The following NAV2 variants were observed in gnomAD, a reference collection of about 807,000 sequenced individuals.
The protein encoded by NAV2 is neuron navigator 2, also known as helicase, APC down-regulated 1.
A neutral mutation model predicts 223.2 loss-of-function variants in NAV2; 54 were observed. The ratio of observed to expected loss-of-function variants is 0.24; its 90% confidence interval spans 0.19 to 0.30. NAV2 has a LOEUF of 0.30. Among genes scored for constraint, NAV2 ranks in the 10% least tolerant of loss-of-function variants. The probability of loss-of-function intolerance (pLI) is 1.00; values close to 1 mark genes in which losing one functional copy is unlikely to be tolerated. For synonymous variants in NAV2, 1,279 were observed against 1,239.3 expected (o/e 1.03, Z -0.67); for missense variants, 2,806 against 3,147.5 (o/e 0.89, Z 2.60).
intron 1 of NAV2, among the ~76,000 whole-genome samples, chr11:19,423,871 G>A (rs1167206527): frequency 6.6e-6 from 1 of 152,118 alleles, no homozygotes; most frequent in Non-Finnish European, 1.5e-5. Context: ...ATCTGTGATT[G>A]AGAAATAACT....
rs181181353 is a variant in NAV2, at chr11:19,891,140, A to G, written c.771-1294A>G. 1.1e-4 allele frequency among the ~76,000 whole-genome samples: 17 copies of G among 152,304 alleles called. No individual in the cohort carries two copies. The East Asian group carries it at 2.9e-3, about 26-fold the overall frequency. ...AAGTTTAAAGTGATTGCCTGCTTAT[A>G]TCTAAAATGCTTCCAGACTGTAGAC... On this transcript the variant is annotated intron_variant, in intron 5 of 37. Coordinates refer to ENST00000349880, the MANE Select transcript of NAV2 (RefSeq NM_145117.5).
intron 5 of NAV2, among the ~76,000 whole-genome samples, chr11:19,882,102 G>A (rs539995298): frequency 6.6e-6 from 1 of 152,224 alleles, no homozygotes; most frequent in African/African-American, 2.4e-5. Flanking sequence ...AAGTCTTAAA[G>A]TAGTAGAAAG....
At chr11:19,850,991 A>G (rs915257606) in intron 3 of NAV2, among the ~76,000 whole-genome samples, 6 of 152,212 alleles carry the variant, frequency 3.9e-5, no homozygotes, top group African/African-American at 1.4e-4. Flanking sequence ...TTCCCCTCAC[A>G]CAGTAGCACC....
At chr11:19,546,588 C>A (rs1264818283) in intron 1 of NAV2, among the ~76,000 whole-genome samples, 1 of 152,194 alleles carries the variant, frequency 6.6e-6, no homozygotes, top group Non-Finnish European at 1.5e-5. Context: ...ACGGCAACCA[C>A]CCTCTGATGT....
chr11:19,788,060 T>G (rs532154206), intron 1 of NAV2, among the ~76,000 whole-genome samples: 22 of 152,296 alleles, frequency 1.4e-4, no homozygotes, highest in African/African-American at 5.1e-4. Context: ...ATGTCCCAGA[T>G]GTAGAGCTAA....
intron 1 of NAV2, among the ~76,000 whole-genome samples, chr11:19,580,793 G>C (rs1261904878): frequency 6.6e-6 from 1 of 152,144 alleles, no homozygotes; most frequent in Non-Finnish European, 1.5e-5. Flanking sequence ...TTTCTCTTGG[G>C]AACACACTTA....
intron 6 of NAV2, among the ~76,000 whole-genome samples, chr11:19,911,030 C>A (rs1017331810): frequency 1.3e-4 from 19 of 140,792 alleles, no homozygotes; most frequent in Non-Finnish European, 2.5e-4. Flanking sequence ...TTTGCAAGCA[C>A]ATTTTTTTTT....
chr11:19,986,342 G>A (rs537314733), intron 11 of NAV2, among the ~76,000 whole-genome samples: 347 of 152,290 alleles, frequency 2.3e-3, no homozygotes, highest in African/African-American at 7.1e-3. Flanking sequence ...GAATGAGTCC[G>A]GGCATGGTGG....
intron 1 of NAV2, among the ~76,000 whole-genome samples, chr11:19,643,275 T>C (rs1299354491): frequency 6.6e-6 from 1 of 151,964 alleles, no homozygotes; most frequent in Non-Finnish European, 1.5e-5. Context: ...TTACTCGTCA[T>C]TTAACATTAG....
At chr11:20,099,958 G>A (rs1411227841) in intron 31 of NAV2, among the ~76,000 whole-genome samples, 1 of 152,108 alleles carries the variant, frequency 6.6e-6, no homozygotes, top group Non-Finnish European at 1.5e-5. Flanking sequence ...TAGCAGATAA[G>A]ACATCTGGGG....
At chr11:19,861,625 G>A (rs2061796913) in intron 3 of NAV2, among the ~76,000 whole-genome samples, 1 of 152,212 alleles carries the variant, frequency 6.6e-6, no homozygotes, top group South Asian at 2.1e-4. Context: ...GTAAATGCCA[G>A]AAACAAGATT....
chr11:19,660,712 A>G (rs1268364827), intron 1 of NAV2, among the ~76,000 whole-genome samples: 2 of 152,306 alleles, frequency 1.3e-5, no homozygotes, highest in East Asian at 1.9e-4. Context: ...TGCTTTCACA[A>G]TATAAAATTA....
chr11:19,815,322 C>T (rs907907669), intron 1 of NAV2, among the ~76,000 whole-genome samples: 1 of 152,110 alleles, frequency 6.6e-6, no homozygotes, highest in Admixed American at 6.5e-5. Context: ...GTAGCACTAC[C>T]CAGGCCAAGC....
At chr11:19,511,841 C>G (rs932759658) in intron 1 of NAV2, 31 of 152,876 alleles carry the variant, frequency 2.0e-4, no homozygotes, top group African/African-American at 7.0e-4. Flanking sequence ...AGCCTCCCCC[C>G]AGCCTCAAGC....
At chr11:19,545,770 T>C (rs983366837) in intron 1 of NAV2, among the ~76,000 whole-genome samples, 1 of 151,940 alleles carries the variant, frequency 6.6e-6, no homozygotes, top group African/African-American at 2.4e-5. Context: ...TGCAGGTTTT[T>C]TTTTAGCTCA....
At chr11:19,618,393 G>GATGA (rs1554975536) in intron 1 of NAV2, among the ~76,000 whole-genome samples, 6 of 19,772 alleles carry the variant, frequency 3.0e-4, no homozygotes, top group East Asian at 2.9e-3. Flanking sequence ...TGGATGGATG[G>GATGA]ATGAATAGAT....
At chr11:19,389,899 C>T (rs1036620511) in intron 1 of NAV2, among the ~76,000 whole-genome samples, 1 of 152,222 alleles carries the variant, frequency 6.6e-6, no homozygotes, top group Non-Finnish European at 1.5e-5. Context: ...GTCAGCTGGT[C>T]AGACCAGGAA....
At chr11:19,475,380 A>G (rs530707042) in intron 1 of NAV2, among the ~76,000 whole-genome samples, 1 of 152,206 alleles carries the variant, frequency 6.6e-6, no homozygotes, top group Admixed American at 6.5e-5. Flanking sequence ...TTTGAGCCAC[A>G]TGGAAGGCGG....
chr11:20,054,993 G>A (rs1167152077), intron 18 of NAV2, among the ~76,000 whole-genome samples: 1 of 152,212 alleles, frequency 6.6e-6, no homozygotes, highest in African/African-American at 2.4e-5. Flanking sequence ...GAAGTTATAG[G>A]CAGAGGTTAT....
Sources: allele counts gnomAD v4.1 joint callset (sites outside exome capture counted in the v4.1 genomes callset), GRCh38; gene constraint gnomAD v4.1.1; transcripts MANE v1.5; gene names NCBI Gene and HGNC (gene_info 2026-07-23, HGNC 2026-07-21).